KCNC2: variants seen among roughly 807,000 people sequenced by gnomAD.
KCNC2 encodes the protein potassium voltage-gated channel subfamily C member 2.
Under a neutral mutation model 44.5 loss-of-function variants are expected in KCNC2, and 21 were observed. That is an observed-to-expected ratio of 0.47 (90% CI 0.33 to 0.68). The LOEUF is 0.68. Among genes scored for constraint, KCNC2 ranks in the 30% least tolerant of loss-of-function variants. The probability of loss-of-function intolerance (pLI) is 0.01; values close to 1 mark genes in which losing one functional copy is unlikely to be tolerated. For synonymous variants in KCNC2, 391 were observed against 339.1 expected (o/e 1.15, Z -1.68); for missense variants, 589 against 826.2 (o/e 0.71, Z 3.52).
chr12:75,120,041 C>T (rs1887945435), intron 2 of KCNC2, among the ~76,000 whole-genome samples: 1 of 152,208 alleles, frequency 6.6e-6, no homozygotes, highest in African/African-American at 2.4e-5. Flanking sequence ...CCATCATCTC[C>T]ATCTCGCTTA....
chr12:75,122,565 T>G (rs1888121101), intron 2 of KCNC2, among the ~76,000 whole-genome samples: 1 of 152,108 alleles, frequency 6.6e-6, no homozygotes. Flanking sequence ...AGAATTCATC[T>G]CCTCCACATG....
At position 75,194,976 on chromosome 12, in the gene KCNC2, C is replaced by A. The variant is rs529775130; in HGVS notation, c.687+12321G>T. Among the ~76,000 whole-genome samples the A allele has an allele frequency of 1.4e-4, 22 of 152,256 alleles. No homozygotes were observed. The South Asian group carries it at 4.6e-3, about 32-fold the overall frequency. ...CTCACTACCTTTGCTCTTTCTTCTA[C>A]TTTTCTACAGTGAGTTTTATGTAAA... is the stretch of plus-strand genomic sequence containing the variant. On this transcript the variant is annotated intron_variant, in intron 2 of 4. Transcript: ENST00000549446.
Position 75,140,433 on chromosome 12 carries a change from AAATAT to A in KCNC2, c.687+66859_687+66863del, listed in dbSNP as rs200631384. Among the ~76,000 whole-genome samples the A allele has an allele frequency of 3.8e-3, 572 of 152,364 alleles. 6 individuals carry two copies. Among genetic ancestry groups the A allele is most frequent in the African/African-American group, 0.013 (522 of 41,588 alleles). On this transcript the variant is annotated intron_variant, in intron 2 of 4. Transcript: ENST00000549446. ...TTTTGTAAATGGCAAAGAATCATACAAATATAAGTAATTTAATAGTAAAAGTTAGA... is the reference window on the plus strand; with the variant it reads ...TTTTGTAAATGGCAAAGAATCATACAAAGTAATTTAATAGTAAAAGTTAGA...
chr12:75,122,896 C>G (rs1023505820), intron 2 of KCNC2, among the ~76,000 whole-genome samples: 2 of 152,014 alleles, frequency 1.3e-5, no homozygotes, highest in African/African-American at 2.4e-5. Context: ...TTATTTAATT[C>G]AGGTCTTATG....
At chr12:75,090,160 A>G (rs757910193) in intron 2 of KCNC2, among the ~76,000 whole-genome samples, 1 of 151,814 alleles carries the variant, frequency 6.6e-6, no homozygotes, top group Non-Finnish European at 1.5e-5. Flanking sequence ...AAGTTTCTAC[A>G]TATCGCTAAA....
Position 75,041,618 on chromosome 12 carries a change from GAC to G in KCNC2, c.*1485_*1486del, listed in dbSNP as rs1491259717. The G allele has an allele frequency of 9.8e-6, 10 of 1,023,520 alleles. No homozygotes were observed. The highest frequency in any genetic ancestry group is 1.1e-5 in the Non-Finnish European group (9 of 851,918). 63.4% of individuals were successfully genotyped at this position (1,023,520 alleles called of 1,614,324 possible). On this transcript the variant is annotated 3_prime_UTR_variant, in exon 5 of 5. Transcript: ENST00000549446. ...TTGAATTCATAGGAATGCATAAATA[GAC>G]TTTCTTCCACTCAGACTGAATATGA...
intron 2 of KCNC2, among the ~76,000 whole-genome samples, chr12:75,097,052 G>A (rs1885988457): frequency 2.0e-5 from 3 of 151,898 alleles, no homozygotes; most frequent in African/African-American, 7.3e-5. Context: ...CTGACACAGT[G>A]GAATGTTATA....
intron 2 of KCNC2, among the ~76,000 whole-genome samples, chr12:75,105,023 C>T (rs1886668451): frequency 6.6e-6 from 1 of 152,040 alleles, no homozygotes; most frequent in Non-Finnish European, 1.5e-5. Context: ...AGTCCCTGCC[C>T]TCAGAGAGGT....
chr12:75,174,322 A>G (rs551576498), intron 2 of KCNC2, among the ~76,000 whole-genome samples: 34 of 152,026 alleles, frequency 2.2e-4, no homozygotes, highest in African/African-American at 7.9e-4. Context: ...TTTACTAAAT[A>G]TGTGGCTAAA....
intron 2 of KCNC2, among the ~76,000 whole-genome samples, chr12:75,149,446 C>A (rs887342793): frequency 1.3e-5 from 2 of 151,676 alleles, no homozygotes; most frequent in East Asian, 3.9e-4. Flanking sequence ...AAACTATATA[C>A]CATTTTAAAT....
intron 2 of KCNC2, among the ~76,000 whole-genome samples, chr12:75,107,118 C>A (rs1273754833): frequency 1.3e-5 from 2 of 152,134 alleles, no homozygotes; most frequent in African/African-American, 4.8e-5. Flanking sequence ...TCCTAGCTAA[C>A]ATGGTGAAAC....
At chr12:75,208,068 A>C in intron 1 of KCNC2, 66 bp from the exon 2 acceptor site, 2 of 1,574,928 alleles carry the variant, frequency 1.3e-6, no homozygotes, top group Non-Finnish European at 1.7e-6. Flanking sequence ...CATGACCCCC[A>C]CCACCAACCC....
At chr12:75,075,752 CATT>C (rs1883899210) in intron 2 of KCNC2, among the ~76,000 whole-genome samples, 1 of 151,898 alleles carries the variant, frequency 6.6e-6, no homozygotes, top group African/African-American at 2.4e-5. Flanking sequence ...AACTATACAT[CATT>C]ACTCATGGTA....
intron 2 of KCNC2, among the ~76,000 whole-genome samples, chr12:75,100,078 G>C (rs1032719260): frequency 2.0e-5 from 3 of 152,030 alleles, no homozygotes; most frequent in African/African-American, 7.2e-5. Flanking sequence ...TACCAGAATA[G>C]CTCTGTACGT....
intron 2 of KCNC2, among the ~76,000 whole-genome samples, chr12:75,098,980 C>A (rs1299578800): frequency 6.6e-6 from 1 of 152,040 alleles, no homozygotes; most frequent in Non-Finnish European, 1.5e-5. Context: ...CATTGTTTGA[C>A]CTTGCCCAAG....
chr12:75,043,664 A>G lies in KCNC2; in HGVS notation c.1781-423T>C, dbSNP rs573651621. ...TTCTCTTTTCATTTTTTATTTCCTAAGCCAATAAAGCATACTTAAGTTTAA... is the reference window on the plus strand; with the variant it reads ...TTCTCTTTTCATTTTTTATTTCCTAGGCCAATAAAGCATACTTAAGTTTAA... On this transcript the variant is annotated intron_variant, in intron 4 of 4. Transcript: ENST00000549446. 113 of 1,311,392 alleles carry G rather than the reference A, an allele frequency of 8.6e-5. No homozygotes were observed. The African/African-American group carries it at 1.6e-3, about 19-fold the overall frequency. 81.2% of individuals were successfully genotyped at this position (1,311,392 alleles called of 1,614,324 possible). A position where few individuals can be genotyped will look rare whatever the true frequency, so the allele number is the denominator to read the frequency against.
At chr12:75,168,931 G>T (rs960149240) in intron 2 of KCNC2, among the ~76,000 whole-genome samples, 3 of 151,400 alleles carry the variant, frequency 2.0e-5, no homozygotes, top group African/African-American at 7.3e-5. Flanking sequence ...ACACAATTTT[G>T]CTCACAAGTA....
At chr12:75,073,534 C>T (rs1282270330) in intron 2 of KCNC2, among the ~76,000 whole-genome samples, 1 of 152,112 alleles carries the variant, frequency 6.6e-6, no homozygotes, top group Non-Finnish European at 1.5e-5. Flanking sequence ...CAATATTATA[C>T]TAGAAGACAG....
chr12:75,180,827 G>T (rs1016836005), intron 2 of KCNC2, among the ~76,000 whole-genome samples: 4 of 151,958 alleles, frequency 2.6e-5, no homozygotes, highest in African/African-American at 9.7e-5. Flanking sequence ...ATATTTAAAA[G>T]AACCCACTAT....
Sources: allele counts gnomAD v4.1 joint callset (sites outside exome capture counted in the v4.1 genomes callset), GRCh38; gene constraint gnomAD v4.1.1; transcripts MANE v1.5; gene names NCBI Gene and HGNC (gene_info 2026-07-23, HGNC 2026-07-21).